Variants in FKTN observed in about 807,000 individuals in gnomAD.
FKTN encodes fukutin, also known as ribitol-5-phosphate transferase FKTN.
A neutral mutation model predicts 58.6 loss-of-function variants in FKTN; 47 were observed. The ratio of observed to expected loss-of-function variants is 0.80; its 90% confidence interval spans 0.63 to 1.02. The LOEUF (loss-of-function observed/expected upper bound fraction) is 1.02. FKTN is among the 50% of genes least tolerant of loss of function. FKTN has a pLI of 0.00. For synonymous variants in FKTN, 178 were observed against 191.9 expected, an observed-to-expected ratio of 0.93 and a Z score of 0.60; for missense variants, 516 against 537.3, an observed-to-expected ratio of 0.96 and a Z score of 0.39.
chr9:105,568,839 T>G (rs1463699679), intron 1 of FKTN, among the ~76,000 whole-genome samples: 1 of 152,166 alleles, frequency 6.6e-6, no homozygotes, highest in Admixed American at 6.6e-5. Context: ...CACATGCACA[T>G]GTATGTTTAT....
Position 105,615,308 on chromosome 9 carries a change from G to A in FKTN, c.811G>A (p.Val271Met). 6.2e-7 allele frequency: 1 copy of A among 1,613,934 alleles called. No individual in the cohort carries two copies. The highest frequency in any genetic ancestry group is 1.1e-5 in the South Asian group (1 of 91,088). The change falls in exon 8 of 11, where the codon GTG becomes ATG. Residue 271 changes from valine to methionine, a missense_variant. Coordinates refer to ENST00000357998, the MANE Select transcript of FKTN (RefSeq NM_001079802.2). ...CCTTGATGATAACACTGTGGAAGCTGTGGCCTTTCGGAAGAGTGCAAAGGA... is the reference window on the plus strand; with the variant it reads ...CCTTGATGATAACACTGTGGAAGCTATGGCCTTTCGGAAGAGTGCAAAGGA... ...QYLDDNTVEA[V>M]AFRKSAKELL...
chr9:105,567,527 A>T (rs192982405), intron 1 of FKTN, among the ~76,000 whole-genome samples: 5 of 152,340 alleles, frequency 3.3e-5, no homozygotes, highest in African/African-American at 1.2e-4. Flanking sequence ...ATCATGAGTG[A>T]ACTCCCATTC....
intron 4 of FKTN, 96 bp downstream of exon 4, chr9:105,596,753 G>A: frequency 1.0e-6 from 1 of 961,364 alleles, no homozygotes; most frequent in Non-Finnish European, 1.7e-6. Flanking sequence ...AATAATAATA[G>A]CTACCTTGTG....
At chr9:105,589,702 G>A (rs968675166) in intron 3 of FKTN, among the ~76,000 whole-genome samples, 1 of 152,150 alleles carries the variant, frequency 6.6e-6, no homozygotes, top group African/African-American at 2.4e-5. Context: ...TTGAGTTGGT[G>A]TTGTAGGATG....
intron 10 of FKTN, among the ~76,000 whole-genome samples, chr9:105,623,411 C>T (rs552270512): frequency 2.0e-4 from 31 of 152,192 alleles, no homozygotes; most frequent in Non-Finnish European, 2.5e-4. Flanking sequence ...CACTTCAGAG[C>T]CCATGTTCTT....
At chr9:105,634,083 A>T (rs1005135096) in intron 10 of FKTN, among the ~76,000 whole-genome samples, 3 of 151,958 alleles carry the variant, frequency 2.0e-5, no homozygotes, top group African/African-American at 7.2e-5. Flanking sequence ...AATTTAGTTT[A>T]CTTGATCCAA....
At chr9:105,560,836 C>A (rs1023210275) in intron 1 of FKTN, among the ~76,000 whole-genome samples, 2 of 152,154 alleles carry the variant, frequency 1.3e-5, no homozygotes, top group Non-Finnish European at 2.9e-5. Flanking sequence ...CGTCTGTAAT[C>A]TCAGCACTTT....
intron 10 of FKTN, among the ~76,000 whole-genome samples, chr9:105,622,292 A>G (rs1178241626): frequency 2.0e-5 from 3 of 151,934 alleles, no homozygotes; most frequent in Non-Finnish European, 2.9e-5. Context: ...TATATAGTTC[A>G]TTCTGAGAAA....
At chr9:105,563,963 G>A (rs548191566) in intron 1 of FKTN, among the ~76,000 whole-genome samples, 1 of 152,204 alleles carries the variant, frequency 6.6e-6, no homozygotes, top group East Asian at 1.9e-4. Flanking sequence ...ACTTCCAGAG[G>A]AACGATCAGG....
intron 1 of FKTN, among the ~76,000 whole-genome samples, chr9:105,563,933 G>A (rs544200585): frequency 1.2e-4 from 19 of 152,286 alleles, no homozygotes; most frequent in African/African-American, 3.4e-4. Flanking sequence ...TCACACAGCC[G>A]GGTACCCCTC....
chr9:105,604,422 G>T lies in FKTN; in HGVS notation c.577G>T (p.Glu193Ter), dbSNP rs1307520547. ...CTGGCACGGCCACTTGAGACTTAAAGAACACATTGACAGGAAATTTGTTCC... is the reference window on the plus strand; with the variant it reads ...CTGGCACGGCCACTTGAGACTTAAATAACACATTGACAGGAAATTTGTTCC... ...YLWHGHLRLK[E>*]HIDRKFVPFR... Residue 193 changes from glutamate to a stop codon, truncating the protein, a stop_gained, in exon 6 of 11, where the codon GAA becomes TAA. Transcript: ENST00000357998. LOFTEE classifies it high-confidence loss of function. 1 of 1,614,114 alleles carries T rather than the reference G, an allele frequency of 6.2e-7. No homozygotes were observed. Among genetic ancestry groups the T allele is most frequent in the Admixed American group, 1.7e-5 (1 of 60,022 alleles).
In FKTN at chr9:105,636,354, A is replaced by G. The variant is rs1279270189; in HGVS notation, c.*1090A>G. On this transcript the variant is annotated 3_prime_UTR_variant, in exon 11 of 11. Transcript: ENST00000357998. ...CCTGTTTCTTCTCCTCTTCTAATAT[A>G]TCAGATCTCCAAAATGGAAGCTAAA... 1 of 983,196 alleles carries G rather than the reference A, an allele frequency of 1.0e-6. No homozygotes were observed. The highest frequency in any genetic ancestry group is 1.2e-6 in the Non-Finnish European group (1 of 827,774). 60.9% of individuals were successfully genotyped at this position (983,196 alleles called of 1,614,324 possible). A position where few individuals can be genotyped will look rare whatever the true frequency, so the allele number is the denominator to read the frequency against.
At chr9:105,585,117 G>GA (rs35912971) in intron 3 of FKTN, among the ~76,000 whole-genome samples, 41,189 of 150,898 alleles carry the variant, frequency 0.27, 5,815 homozygotes, top group Non-Finnish European at 0.31. Flanking sequence ...ATGCCAGTAG[G>GA]AAAAAAAAAT....
At chr9:105,562,285 T>TA (rs1430880936) in intron 1 of FKTN, among the ~76,000 whole-genome samples, 1 of 152,188 alleles carries the variant, frequency 6.6e-6, no homozygotes, top group Non-Finnish European at 1.5e-5. Context: ...GGATAGTTTT[T>TA]AGTTTGGTGG....
intron 1 of FKTN, among the ~76,000 whole-genome samples, chr9:105,573,148 T>C (rs960322036): frequency 6.6e-6 from 1 of 151,944 alleles, no homozygotes; most frequent in Non-Finnish European, 1.5e-5. Flanking sequence ...GATAGGAGAA[T>C]TGCTTGAACC....
chr9:105,559,956 A>T (rs1027924033), intron 1 of FKTN, among the ~76,000 whole-genome samples: 4 of 152,152 alleles, frequency 2.6e-5, no homozygotes, highest in Admixed American at 6.5e-5. Flanking sequence ...AGTTCTTTTT[A>T]AAAAAGTTAC....
chr9:105,625,408 A>G (rs1032917222), intron 10 of FKTN, among the ~76,000 whole-genome samples: 7 of 152,226 alleles, frequency 4.6e-5, no homozygotes, highest in Non-Finnish European at 5.9e-5. Context: ...TAATTGCCAG[A>G]AAGTCTTGTT....
intron 10 of FKTN, among the ~76,000 whole-genome samples, chr9:105,623,516 T>C (rs1340573479): frequency 3.3e-5 from 5 of 152,184 alleles, no homozygotes; most frequent in Non-Finnish European, 2.9e-5. Context: ...CATCCTCTAA[T>C]AGGAAATCTA....
chr9:105,576,899 T>A (rs1407143378), intron 3 of FKTN, among the ~76,000 whole-genome samples: 1 of 108,740 alleles, frequency 9.2e-6, no homozygotes, highest in Non-Finnish European at 1.9e-5. Flanking sequence ...GGTTTTGATT[T>A]GCATTTCTCT....
Sources: gnomAD v4.1 joint callset for allele counts (sites outside exome capture counted in the v4.1 genomes callset) on GRCh38, gnomAD v4.1.1 for gene constraint, MANE v1.5 for transcripts, NCBI Gene and HGNC (gene_info 2026-07-23, HGNC 2026-07-21) for gene names.